DLGAP2: variants seen among roughly 807,000 people sequenced by gnomAD.
DLGAP2 encodes the protein disks large-associated protein 2.
A neutral mutation model predicts 100.3 loss-of-function variants in DLGAP2; 26 were observed. That is an observed-to-expected ratio of 0.26 (90% CI 0.19 to 0.36). DLGAP2 has a LOEUF of 0.36. Ranked by LOEUF, DLGAP2 falls within the 10% of genes least tolerant of loss-of-function variation. The pLI is 1.00. For missense variants in DLGAP2, 1,858 were observed against 1,453.2 expected (o/e 1.28, Z -4.53); for synonymous variants, 886 against 630.1 (o/e 1.41, Z -6.08).
At chr8:825,231 A>T (rs55769210) in intron 1 of DLGAP2, among the ~76,000 whole-genome samples, 5 of 152,188 alleles carry the variant, frequency 3.3e-5, no homozygotes, top group Admixed American at 6.5e-5. Context: ...CTGAGAACCA[A>T]GTACCTGTGG....
chr8:838,487 T>C (rs1386253696), intron 1 of DLGAP2, among the ~76,000 whole-genome samples: 1 of 152,064 alleles, frequency 6.6e-6, no homozygotes, highest in Non-Finnish European at 1.5e-5. Context: ...TACTGTACAT[T>C]GATAATATAT....
chr8:908,969 G>A (rs1010649608), intron 2 of DLGAP2, among the ~76,000 whole-genome samples: 7 of 148,986 alleles, frequency 4.7e-5, no homozygotes, highest in Non-Finnish European at 9.0e-5. Flanking sequence ...TAAGAATGAT[G>A]GTATCTCAGT....
At chr8:1,158,219 T>A (rs1369004711) in intron 2 of DLGAP2, among the ~76,000 whole-genome samples, 1 of 152,252 alleles carries the variant, frequency 6.6e-6, no homozygotes, top group Non-Finnish European at 1.5e-5. Context: ...AATGATTTTG[T>A]GGCCAATATA....
At chr8:1,620,319 C>G (rs1797290819) in intron 6 of DLGAP2, 1 of 152,224 alleles carries the variant, frequency 6.6e-6, no homozygotes, top group African/African-American at 2.4e-5. Flanking sequence ...GGAGCGTCCC[C>G]CGCCCCACGC....
chr8:1,696,819 A>G (rs943838016), intron 13 of DLGAP2, among the ~76,000 whole-genome samples: 7 of 152,176 alleles, frequency 4.6e-5, no homozygotes, highest in African/African-American at 1.7e-4. Flanking sequence ...TCCCTTCCGA[A>G]TCATCCACAG....
intron 1 of DLGAP2, among the ~76,000 whole-genome samples, chr8:814,674 C>A (rs542782693): frequency 1.3e-5 from 2 of 150,684 alleles, no homozygotes; most frequent in African/African-American, 4.9e-5. Context: ...GGTGAAACCC[C>A]GTCTCTACTA....
intron 1 of DLGAP2, among the ~76,000 whole-genome samples, chr8:806,271 C>G (rs1374197263): frequency 6.6e-6 from 1 of 152,184 alleles, no homozygotes; most frequent in Non-Finnish European, 1.5e-5. Context: ...TGAGGCCTCA[C>G]AGTTGTCATG....
In DLGAP2 at chr8:1,093,233, ACAGAAACACCTTCACACCCGCAGC is replaced by A. The variant is rs1217829024; in HGVS notation, c.74-165598_74-165575del. 2.6e-5 allele frequency among the ~76,000 whole-genome samples: 4 copies of A among 152,026 alleles called. No individual in the cohort carries two copies. In the South Asian group the frequency reaches 6.2e-4, roughly 24 times the overall value. The stretch of plus-strand genomic sequence containing the variant: ...AAAACACCTTCACACCAACAGCCAG[ACAGAAACACCTTCACACCCGCAGC>A]CAGAAACACCTTCACACCCACAGCC... On this transcript the variant is annotated intron_variant, in intron 2 of 14. Transcript: ENST00000637795.
chr8:919,333 C>T (rs972129819), intron 2 of DLGAP2, among the ~76,000 whole-genome samples: 1 of 152,096 alleles, frequency 6.6e-6, no homozygotes. Context: ...GACATCAGGC[C>T]GCGACGGGCA....
At chr8:773,481 G>T (rs970953351) in intron 1 of DLGAP2, among the ~76,000 whole-genome samples, 3 of 151,070 alleles carry the variant, frequency 2.0e-5, no homozygotes, top group Admixed American at 6.6e-5. Context: ...ATATCGCCCA[G>T]TGCTATCCCT....
chr8:1,177,576 T>G (rs1797287690), intron 2 of DLGAP2, among the ~76,000 whole-genome samples: 1 of 152,198 alleles, frequency 6.6e-6, no homozygotes, highest in African/African-American at 2.4e-5. Flanking sequence ...TGACTTTTAT[T>G]TCATTACATT....
chr8:924,990 A>G (rs1044808929), intron 2 of DLGAP2, among the ~76,000 whole-genome samples: 3 of 152,028 alleles, frequency 2.0e-5, no homozygotes, highest in African/African-American at 4.8e-5. Context: ...CGTGTGGGTG[A>G]TTGCTTGCTA....
intron 2 of DLGAP2, among the ~76,000 whole-genome samples, chr8:911,743 G>A (rs1419333633): frequency 6.6e-6 from 1 of 151,224 alleles, no homozygotes. Flanking sequence ...TTGGAAGGAT[G>A]CTGGAGAATG....
At chr8:1,311,314 G>A (rs1360660005) in intron 3 of DLGAP2, among the ~76,000 whole-genome samples, 2 of 152,172 alleles carry the variant, frequency 1.3e-5, no homozygotes, top group African/African-American at 2.4e-5. Context: ...GAAATATCCA[G>A]AATCAGATAC....
intron 2 of DLGAP2, among the ~76,000 whole-genome samples, chr8:1,200,261 G>C (rs1044727015): frequency 6.6e-6 from 1 of 152,140 alleles, no homozygotes; most frequent in Non-Finnish European, 1.5e-5. Context: ...TTTCCCCATC[G>C]AGGCTTCATG....
At chr8:1,146,524 G>A (rs139443899) in intron 2 of DLGAP2, among the ~76,000 whole-genome samples, 11 of 152,288 alleles carry the variant, frequency 7.2e-5, no homozygotes, top group Admixed American at 3.3e-4. Flanking sequence ...GCGTTCCTGC[G>A]TGTATTTAGA....
intron 2 of DLGAP2, among the ~76,000 whole-genome samples, chr8:1,243,860 T>C (rs574097982): frequency 5.3e-4 from 81 of 152,328 alleles, no homozygotes; most frequent in African/African-American, 1.9e-3. Flanking sequence ...CTGAGTAACC[T>C]CACTATCCAC....
intron 2 of DLGAP2, among the ~76,000 whole-genome samples, chr8:910,077 C>A (rs762515588): frequency 6.6e-6 from 1 of 152,138 alleles, no homozygotes; most frequent in African/African-American, 2.4e-5. Flanking sequence ...GAAGACGAAA[C>A]GAGTTCTGCA....
In DLGAP2 at chr8:1,669,761, C is replaced by T. The variant is rs1440390022; in HGVS notation, c.2179C>T (p.His727Tyr). ...IGIQDSEFPE[H>Y]QPYPRSDVET... is the part of the protein sequence containing the mutation. ...TGTTTAGGATTCTGAATTCCCAGAG[C>T]ATCAGCCATACCCAAGGTCAGATGT... The change falls in exon 10 of 15, where the codon CAT becomes TAT. Residue 727 changes from histidine to tyrosine, a missense_variant. By Grantham distance (83) the His-to-Tyr change is moderately conservative. Transcript: ENST00000637795. The T allele has an allele frequency of 1.3e-6, 1 of 780,934 alleles. No individual in the cohort carries two copies. The highest frequency in any genetic ancestry group is 2.4e-6 in the Non-Finnish European group (1 of 417,988). 48.4% of individuals were successfully genotyped at this position (780,934 alleles called of 1,614,324 possible).
Sources: allele counts gnomAD v4.1 joint callset (sites outside exome capture counted in the v4.1 genomes callset), GRCh38; gene constraint gnomAD v4.1.1; transcripts MANE v1.5; gene names NCBI Gene and HGNC (gene_info 2026-07-23, HGNC 2026-07-21).